Variants in DNAAF4 observed in about 807,000 individuals in gnomAD.
DNAAF4 encodes dynein axonemal assembly factor 4.
A neutral mutation model predicts 51.8 loss-of-function variants in DNAAF4; 43 were observed. That is an observed-to-expected ratio of 0.83 (90% CI 0.65 to 1.07). The LOEUF is 1.07. Among genes scored for constraint, DNAAF4 ranks in the 50% least tolerant of loss-of-function variants. The pLI is 0.00. For missense variants in DNAAF4, 581 were observed against 493.0 expected (o/e 1.18, Z -1.69); for synonymous variants, 194 against 165.6 (o/e 1.17, Z -1.32).
intron 4 of DNAAF4, among the ~76,000 whole-genome samples, chr15:55,476,908 C>T (rs533886790): frequency 1.8e-4 from 28 of 152,258 alleles, no homozygotes; most frequent in East Asian, 7.7e-4. Context: ...TGGTGGCTCA[C>T]GCCTGTAATC....
At chr15:55,475,298 A>T (rs941658075) in intron 4 of DNAAF4, among the ~76,000 whole-genome samples, 1 of 152,210 alleles carries the variant, frequency 6.6e-6, no homozygotes, top group African/African-American at 2.4e-5. Context: ...AACTGGATAA[A>T]ATTATCAAAA....
chr15:55,461,700 C>A (rs1457368865), intron 5 of DNAAF4, among the ~76,000 whole-genome samples: 1 of 151,972 alleles, frequency 6.6e-6, no homozygotes, highest in Non-Finnish European at 1.5e-5. Flanking sequence ...AGAGCATAAA[C>A]AGACAATCTA....
At chr15:55,468,626 C>T (rs1031880656) in intron 4 of DNAAF4, among the ~76,000 whole-genome samples, 3 of 152,162 alleles carry the variant, frequency 2.0e-5, no homozygotes, top group Non-Finnish European at 2.9e-5. Flanking sequence ...CCTTTTTTCA[C>T]TCTCTGCCCC....
At chr15:55,447,203 T>C (rs1272046020) in intron 6 of DNAAF4, among the ~76,000 whole-genome samples, 233 of 117,976 alleles carry the variant, frequency 2.0e-3, no homozygotes, top group Middle Eastern at 6.0e-3. Flanking sequence ...GAGGCGCTCC[T>C]CACTTCCCAG....
intron 7 of DNAAF4, among the ~76,000 whole-genome samples, chr15:55,436,013 C>G (rs780072165): frequency 1.3e-5 from 2 of 152,180 alleles, no homozygotes; most frequent in Non-Finnish European, 2.9e-5. Flanking sequence ...GTCTCGAACT[C>G]CCGATCTCAG....
At chr15:55,493,988 T>C (rs1017817253) in intron 3 of DNAAF4, among the ~76,000 whole-genome samples, 1 of 151,700 alleles carries the variant, frequency 6.6e-6, no homozygotes, top group Admixed American at 6.6e-5. Context: ...ACTTTAGGCA[T>C]GAGCCACTGT....
chr15:55,491,262 A>T lies in DNAAF4; in HGVS notation c.272-6T>A, dbSNP rs1567033117. ...TTGCATCATCTCTTTGTCAACTAAA[A>T]TGTACAGAATATTGCTAAATTAGAA... On this transcript the variant is annotated splice_polypyrimidine_tract_variant and splice_region_variant and intron_variant, in intron 3 of 9. Coordinates refer to ENST00000321149, the MANE Select transcript of DNAAF4 (RefSeq NM_130810.4). The T allele has an allele frequency of 6.2e-6, 10 of 1,607,746 alleles. No individual in the cohort carries two copies. Among genetic ancestry groups the T allele is most frequent in the Non-Finnish European group, 8.5e-6 (10 of 1,177,608 alleles).
intron 6 of DNAAF4, among the ~76,000 whole-genome samples, chr15:55,440,933 G>A (rs1208112476): frequency 6.6e-6 from 1 of 151,822 alleles, no homozygotes; most frequent in Admixed American, 6.6e-5. Flanking sequence ...CACCCACCTT[G>A]GCCTCCCAAA....
In DNAAF4 at chr15:55,473,221, ATG is replaced by A. The variant is rs1269364939; in HGVS notation, c.406-6062_406-6061del. Among the ~76,000 whole-genome samples, 785 of 97,162 alleles carry A rather than the reference ATG, an allele frequency of 8.1e-3. 79 individuals are homozygous for A. The highest frequency in any genetic ancestry group is 0.03 in the African/African-American group (719 of 23,762). The allele number at this position is 97,162 out of a possible 152,430, so 63.7% of individuals were successfully genotyped here. A position where few individuals can be genotyped will look rare whatever the true frequency, so the allele number is the denominator to read the frequency against. ...AAAATATATATATATATATATATAT[ATG>A]TGTGTGTGTATATATATATATGTGT... On this transcript the variant is annotated intron_variant, in intron 4 of 9. Coordinates refer to ENST00000321149, the MANE Select transcript of DNAAF4 (RefSeq NM_130810.4).
At chr15:55,506,539 C>T (rs1229608844) in intron 1 of DNAAF4, among the ~76,000 whole-genome samples, 1 of 152,072 alleles carries the variant, frequency 6.6e-6, no homozygotes, top group Non-Finnish European at 1.5e-5. Context: ...TGTCTCCAGA[C>T]ATTGCCAAAT....
chr15:55,501,464 C>G (rs1712060836), intron 1 of DNAAF4, among the ~76,000 whole-genome samples: 1 of 150,984 alleles, frequency 6.6e-6, no homozygotes, highest in Admixed American at 6.6e-5. Flanking sequence ...CAAGCTCCGC[C>G]TCCTGGGTTC....
At chr15:55,472,681 T>C (rs2058271725) in intron 4 of DNAAF4, among the ~76,000 whole-genome samples, 1 of 152,160 alleles carries the variant, frequency 6.6e-6, no homozygotes, top group African/African-American at 2.4e-5. Context: ...TGCCATTTAC[T>C]ACAGGTTATT....
In DNAAF4 at chr15:55,499,020, C is replaced by G. The variant is rs575467066; in HGVS notation, c.-255-436G>C. On this transcript the variant is annotated intron_variant, in intron 1 of 9. Coordinates refer to ENST00000321149, the MANE Select transcript of DNAAF4 (RefSeq NM_130810.4). ...GTGGGCATAAGGCTCGGGAAAGCAG[C>G]CCATGAGGAGCAGGTGCAATGCCCA... Among the ~76,000 whole-genome samples, 12 of 152,196 alleles carry G rather than the reference C, an allele frequency of 7.9e-5. No individual in the cohort carries two copies. The East Asian group carries it at 2.3e-3, about 29-fold the overall frequency.
chr15:55,420,000 T>A (rs896848534), intron 7 of DNAAF4, among the ~76,000 whole-genome samples: 4 of 151,570 alleles, frequency 2.6e-5, no homozygotes, highest in Admixed American at 6.6e-5. Context: ...CAAAACTCTG[T>A]CTCAAAAAAA....
At chr15:55,497,581 C>A (rs1440227068) in intron 3 of DNAAF4, 131 bp downstream of exon 3, 1 of 1,050,994 alleles carries the variant, frequency 9.5e-7, no homozygotes, top group East Asian at 2.7e-5. Flanking sequence ...GCCTGGGCGA[C>A]AGAGCAAGAC....
chr15:55,435,558 A>C (rs1238602790), intron 7 of DNAAF4, among the ~76,000 whole-genome samples: 3 of 152,210 alleles, frequency 2.0e-5, no homozygotes, highest in Non-Finnish European at 2.9e-5. Flanking sequence ...AAAGAAACCG[A>C]GCCCTTCATG....
chr15:55,439,433 T>C (rs368589368), intron 7 of DNAAF4, 39 bp downstream of exon 7: 14 of 1,530,814 alleles, frequency 9.1e-6, no homozygotes, highest in Non-Finnish European at 1.3e-5. Context: ...AATGTCTTCA[T>C]ACATGATAAA....
In DNAAF4 at chr15:55,473,198, A is replaced by AAAAAAATATAT. The variant is rs1209754897; in HGVS notation, c.406-6038_406-6037insATATATTTTTT. Among the ~76,000 whole-genome samples, 70 of 75,740 alleles carry AAAAAAATATAT rather than the reference A, an allele frequency of 9.2e-4. 5 individuals carry two copies. Among genetic ancestry groups the AAAAAAATATAT allele is most frequent in the South Asian group, 2.0e-3 (4 of 2,040 alleles). 49.7% of individuals were successfully genotyped at this position (75,740 alleles called of 152,430 possible). A position where few individuals can be genotyped will look rare whatever the true frequency, so the allele number is the denominator to read the frequency against. Reference sequence around the variant, plus strand: ...ACAAAAAAAAAACCTAAAAAAAAAAAATATATATATATATATATATATATG... The same window carrying AAAAAAATATAT: ...ACAAAAAAAAAACCTAAAAAAAAAAAAAAAAATATATATATATATATATATATATATATATG... On this transcript the variant is annotated intron_variant, in intron 4 of 9. Coordinates refer to ENST00000321149, the MANE Select transcript of DNAAF4 (RefSeq NM_130810.4).
At chr15:55,423,655 T>C (rs984205153) in intron 7 of DNAAF4, among the ~76,000 whole-genome samples, 1 of 152,132 alleles carries the variant, frequency 6.6e-6, no homozygotes, top group African/African-American at 2.4e-5. Context: ...TAATATGGAC[T>C]AAAAAAGCTA....
Sources: gnomAD v4.1 joint callset for allele counts (sites outside exome capture counted in the v4.1 genomes callset) on GRCh38, gnomAD v4.1.1 for gene constraint, MANE v1.5 for transcripts, NCBI Gene and HGNC (gene_info 2026-07-23, HGNC 2026-07-21) for gene names.